Variants in SH2D4A observed in about 807,000 individuals in gnomAD.
The protein encoded by SH2D4A is SH2 domain containing 4A, also known as SH2 domain-containing protein 4A.
In SH2D4A, 70 loss-of-function variants were observed where a neutral mutation model predicts 64.7. That is an observed-to-expected ratio of 1.08 (90% confidence interval 0.89 to 1.32). The LOEUF (loss-of-function observed/expected upper bound fraction) is 1.32, where lower values mean the gene tolerates loss of function less well. SH2D4A is among the 40% of genes most tolerant of loss of function. SH2D4A has a pLI of 0.00. For missense variants in SH2D4A, 706 were observed against 540.1 expected (o/e 1.31, Z -3.04); for synonymous variants, 268 against 200.7 (o/e 1.34, Z -2.83).
intron 2 of SH2D4A, among the ~76,000 whole-genome samples, chr8:19,328,312 A>C (rs2052314762): frequency 6.6e-6 from 1 of 151,818 alleles, no homozygotes; most frequent in African/African-American, 2.4e-5. Context: ...CCTCATATGG[A>C]TTTCTAGTAA....
rs1003579547 is a variant in SH2D4A at position 19,319,388 on chromosome 8, G to C, written c.-160G>C. On this transcript the variant is annotated 5_prime_UTR_variant, in exon 2 of 10. Coordinates refer to ENST00000265807, the MANE Select transcript of SH2D4A (RefSeq NM_022071.4). ...GGACAGGACATTTGGTGCCAGGTCT[G>C]AGTAGCCAGTTTGCTGAATTATTGT... The C allele has an allele frequency of 7.8e-7, 1 of 1,286,374 alleles. No individual in the cohort carries two copies. The highest frequency in any genetic ancestry group is 9.8e-7 in the Non-Finnish European group (1 of 1,015,374). The allele number at this position is 1,286,374 out of a possible 1,614,324, so 79.7% of individuals were successfully genotyped here. A position where few individuals can be genotyped will look rare whatever the true frequency, so the allele number is the denominator to read the frequency against.
At chr8:19,347,287 A>G (rs1025173982) in intron 4 of SH2D4A, among the ~76,000 whole-genome samples, 1 of 152,224 alleles carries the variant, frequency 6.6e-6, no homozygotes, top group African/African-American at 2.4e-5. Context: ...ATTCCCAGGC[A>G]AGGATGAATG....
chr8:19,326,257 G>A (rs1216276489), intron 2 of SH2D4A, among the ~76,000 whole-genome samples: 1 of 152,228 alleles, frequency 6.6e-6, no homozygotes, highest in Non-Finnish European at 1.5e-5. Flanking sequence ...GTGACAGATA[G>A]GGCATGGGCA....
At chr8:19,354,544 C>T (rs570610988) in intron 4 of SH2D4A, among the ~76,000 whole-genome samples, 2 of 152,112 alleles carry the variant, frequency 1.3e-5, no homozygotes, top group Non-Finnish European at 2.9e-5. Flanking sequence ...CGCGTCAGAT[C>T]TGACACATGC....
intron 8 of SH2D4A, among the ~76,000 whole-genome samples, chr8:19,388,277 T>C (rs995354823): frequency 6.6e-6 from 1 of 152,246 alleles, no homozygotes; most frequent in Non-Finnish European, 1.5e-5. Flanking sequence ...TCTGCGTTAG[T>C]TTCCTCATCT....
At chr8:19,372,805 CTTCAAAT>C (rs2053125166) in intron 7 of SH2D4A, among the ~76,000 whole-genome samples, 1 of 151,730 alleles carries the variant, frequency 6.6e-6, no homozygotes, top group Non-Finnish European at 1.5e-5. Flanking sequence ...TCTTTTCAAA[CTTCAAAT>C]ACTCTTCTTC....
At chr8:19,381,088 C>T (rs550770393) in intron 8 of SH2D4A, among the ~76,000 whole-genome samples, 109 of 151,140 alleles carry the variant, frequency 7.2e-4, no homozygotes, top group African/African-American at 2.5e-3. Flanking sequence ...GTTGCCTAGG[C>T]TGGAATGCTG....
At chr8:19,360,255 T>A (rs555566668) in intron 5 of SH2D4A, among the ~76,000 whole-genome samples, 1 of 152,172 alleles carries the variant, frequency 6.6e-6, no homozygotes, top group East Asian at 1.9e-4. Flanking sequence ...TTGAAAGTAT[T>A]TCTCCCTTCT....
At chr8:19,357,583 G>C (rs1316214319) in intron 5 of SH2D4A, among the ~76,000 whole-genome samples, 1 of 152,210 alleles carries the variant, frequency 6.6e-6, no homozygotes, top group East Asian at 1.9e-4. Context: ...ATTTCAGACA[G>C]TGATAAATGG....
intron 8 of SH2D4A, among the ~76,000 whole-genome samples, chr8:19,378,315 G>T (rs183264694): frequency 6.6e-6 from 1 of 152,090 alleles, no homozygotes; most frequent in Non-Finnish European, 1.5e-5. Context: ...TATAGTTTCT[G>T]CTTGTTGTAT....
intron 4 of SH2D4A, among the ~76,000 whole-genome samples, chr8:19,353,957 T>G (rs1391372843): frequency 2.6e-5 from 4 of 151,696 alleles, no homozygotes; most frequent in African/African-American, 9.7e-5. Flanking sequence ...AGTGTTTAAA[T>G]AGAAGGATTC....
rs1196711279 is a variant in SH2D4A at position 19,395,505 on chromosome 8, C to CAGAT, written c.*865_*868dup. 9.9e-5 allele frequency: 15 copies of CAGAT among 152,156 alleles called. No individual in the cohort carries two copies. Among genetic ancestry groups the CAGAT allele is most frequent in the African/African-American group, 3.6e-4 (15 of 41,396 alleles). 9.4% of individuals were successfully genotyped at this position (152,156 alleles called of 1,614,324 possible). ...ACCTTGTTTGGAAATAGGGTCTTTG[C>CAGAT]AGATATAGTCAAGATGAGGTCACAT... is the stretch of plus-strand genomic sequence containing the variant. On this transcript the variant is annotated 3_prime_UTR_variant, in exon 10 of 10. Coordinates refer to ENST00000265807, the MANE Select transcript of SH2D4A (RefSeq NM_022071.4).
At chr8:19,343,847 C>T (rs2052568336) in intron 4 of SH2D4A, among the ~76,000 whole-genome samples, 1 of 152,180 alleles carries the variant, frequency 6.6e-6, no homozygotes, top group African/African-American at 2.4e-5. Flanking sequence ...AGGATTTAAT[C>T]ACGTTCTAGG....
Position 19,361,303 on chromosome 8 carries a change from G to T in SH2D4A, c.695G>T (p.Trp232Leu), listed in dbSNP as rs1304552538. 1.9e-6 allele frequency: 3 copies of T among 1,610,862 alleles called. No homozygotes were observed. The highest frequency in any genetic ancestry group is 2.5e-6 in the Non-Finnish European group (3 of 1,179,138). Residue 232 changes from tryptophan to leucine, a missense_variant, in exon 6 of 10, where the codon TGG becomes TTG. Transcript: ENST00000265807. ...ICKSWKEDSE[W>L]QASLRKSKAA... is the part of the protein sequence containing the mutation. ...AAGAGCTGGAAAGAAGACTCGGAAT[G>T]GCAGGCATCTCGTGAGTACCCAGAG...
At chr8:19,394,318 G>A (rs1387748429) in intron 9 of SH2D4A, among the ~76,000 whole-genome samples, 1 of 152,194 alleles carries the variant, frequency 6.6e-6, no homozygotes, top group Non-Finnish European at 1.5e-5. Flanking sequence ...TGGCCCTGGG[G>A]TTGGGGACCC....
chr8:19,339,374 T>C lies in SH2D4A; in HGVS notation c.513+4517T>C, dbSNP rs139495683. On this transcript the variant is annotated intron_variant, in intron 4 of 9. Coordinates refer to ENST00000265807, the MANE Select transcript of SH2D4A (RefSeq NM_022071.4). ...AGGAACAATATTTTGCATCCTTCAG[T>C]CCATCAAGTTGACACTCAATATTAA... Among the ~76,000 whole-genome samples, 64 of 152,254 alleles carry C rather than the reference T, an allele frequency of 4.2e-4. No individual in the cohort carries two copies. In the East Asian group the frequency reaches 0.012, roughly 29 times the overall value.
intron 2 of SH2D4A, among the ~76,000 whole-genome samples, chr8:19,329,650 G>A (rs1327998654): frequency 6.6e-6 from 1 of 152,212 alleles, no homozygotes; most frequent in Admixed American, 6.5e-5. Context: ...GAGGGACCTG[G>A]TGGGAGGCAA....
intron 9 of SH2D4A, 88 bp downstream of exon 9, chr8:19,393,629 T>G: frequency 7.5e-7 from 1 of 1,340,060 alleles, no homozygotes; most frequent in Non-Finnish European, 1.0e-6. Context: ...AGAAAAGGAC[T>G]GAGACAAGTA....
chr8:19,319,546 A>G lies in SH2D4A; in HGVS notation c.-2A>G. 6.6e-7 allele frequency: 1 copy of G among 1,518,572 alleles called. No homozygotes were observed. The highest frequency in any genetic ancestry group is 8.8e-7 in the Non-Finnish European group (1 of 1,132,898). 94.1% of individuals were successfully genotyped at this position (1,518,572 alleles called of 1,614,324 possible). On this transcript the variant is annotated 5_prime_UTR_variant, in exon 2 of 10. Transcript: ENST00000265807. The stretch of plus-strand genomic sequence containing the variant: ...AGTATAAAAGACTTCAGAAGTGCAA[A>G]GATGCTGAAACAGATACTGTCGGAG...
Sources: gnomAD v4.1 joint callset for allele counts (sites outside exome capture counted in the v4.1 genomes callset) on GRCh38, gnomAD v4.1.1 for gene constraint, MANE v1.5 for transcripts, NCBI Gene and HGNC (gene_info 2026-07-23, HGNC 2026-07-21) for gene names.